Variants in AUTS2 observed in about 807,000 individuals in gnomAD.
The protein encoded by AUTS2 is activator of transcription and developmental regulator AUTS2.
A neutral mutation model predicts 112.4 loss-of-function variants in AUTS2; 17 were observed. That is an observed-to-expected ratio of 0.15 (90% CI 0.10 to 0.23). The LOEUF is 0.23. Ranked by LOEUF, AUTS2 falls within the 10% of genes least tolerant of loss-of-function variation. The pLI is 1.00. For synonymous variants in AUTS2, 751 were observed against 702.7 expected (o/e 1.07, Z -1.09); for missense variants, 1,510 against 1,701.6 (o/e 0.89, Z 1.98).
chr7:69,654,482 A>G (rs1795431252), intron 1 of AUTS2, among the ~76,000 whole-genome samples: 1 of 152,204 alleles, frequency 6.6e-6, no homozygotes, highest in African/African-American at 2.4e-5. Context: ...ATCTCTTAAA[A>G]TATTCAGGCC....
At chr7:70,184,212 G>A (rs559691023) in intron 4 of AUTS2, among the ~76,000 whole-genome samples, 3 of 152,130 alleles carry the variant, frequency 2.0e-5, no homozygotes, top group Middle Eastern at 3.4e-3. Flanking sequence ...TATAATTATG[G>A]TGCCTGACCT....
chr7:69,755,699 A>AT, intron 1 of AUTS2, among the ~76,000 whole-genome samples: 1 of 152,204 alleles, frequency 6.6e-6, no homozygotes, highest in Non-Finnish European at 1.5e-5. Context: ...TACTCATTTA[A>AT]TTTTTATTTT....
chr7:70,715,376 C>G (rs1316862599), intron 6 of AUTS2, among the ~76,000 whole-genome samples: 5 of 152,144 alleles, frequency 3.3e-5, no homozygotes, highest in Admixed American at 2.0e-4. Context: ...GTCATACACA[C>G]TTAAGTGTGT....
chr7:69,725,678 G>T (rs1421854226), intron 1 of AUTS2, among the ~76,000 whole-genome samples: 1 of 152,162 alleles, frequency 6.6e-6, no homozygotes, highest in Non-Finnish European at 1.5e-5. Context: ...GGGTCAGAGT[G>T]TAGGCTCTTA....
intron 2 of AUTS2, among the ~76,000 whole-genome samples, chr7:70,070,887 A>AAG: frequency 6.6e-6 from 1 of 151,998 alleles, no homozygotes; most frequent in African/African-American, 2.4e-5. Context: ...GAAAAAAAAA[A>AAG]AAAAAAGAAA....
intron 5 of AUTS2, among the ~76,000 whole-genome samples, chr7:70,472,087 A>C (rs1045805393): frequency 5.9e-5 from 9 of 152,176 alleles, no homozygotes; most frequent in Admixed American, 5.9e-4. Context: ...AGTACTGGCC[A>C]TTCAGAATGG....
chr7:69,917,343 A>C (rs1584438229), intron 2 of AUTS2, among the ~76,000 whole-genome samples: 1 of 138,956 alleles, frequency 7.2e-6, no homozygotes, highest in Admixed American at 7.3e-5. Context: ...CATCAGACTT[A>C]ATCTATTTTC....
intron 1 of AUTS2, among the ~76,000 whole-genome samples, chr7:69,723,934 G>A (rs1343773865): frequency 6.6e-6 from 1 of 152,156 alleles, no homozygotes; most frequent in Admixed American, 6.6e-5. Flanking sequence ...GGAATCACCT[G>A]GAGAGAGGAC....
At position 70,358,036 on chromosome 7, in the gene AUTS2, G is replaced by A. The variant is rs1225659329; in HGVS notation, c.661-77716G>A. ...GTGGTCACAGTCTACAGTCCACTCC[G>A]GATGACGTGGGGCTATGGATGAGCA... On this transcript the variant is annotated intron_variant, in intron 4 of 18. Coordinates refer to ENST00000342771, the MANE Select transcript of AUTS2 (RefSeq NM_015570.4). Among the ~76,000 whole-genome samples, 3 of 152,296 alleles carry A rather than the reference G, an allele frequency of 2.0e-5. No individual in the cohort carries two copies. In the South Asian group the frequency reaches 6.2e-4, roughly 32 times the overall value.
At chr7:70,229,428 G>A (rs1047009404) in intron 4 of AUTS2, among the ~76,000 whole-genome samples, 7 of 152,052 alleles carry the variant, frequency 4.6e-5, no homozygotes, top group African/African-American at 1.7e-4. Flanking sequence ...ATTGGAAGTT[G>A]GCTGTTCATC....
At chr7:70,719,317 C>T (rs1810542299) in intron 6 of AUTS2, among the ~76,000 whole-genome samples, 1 of 152,146 alleles carries the variant, frequency 6.6e-6, no homozygotes, top group African/African-American at 2.4e-5. Flanking sequence ...AAGAGTATCG[C>T]CTTCCAAAGT....
chr7:70,663,383 C>T (rs756246356), intron 5 of AUTS2, among the ~76,000 whole-genome samples: 2 of 152,068 alleles, frequency 1.3e-5, no homozygotes, highest in East Asian at 1.9e-4. Context: ...TGGGCAACAG[C>T]GGGACTCTGT....
chr7:70,565,933 C>T (rs868483396), intron 5 of AUTS2, among the ~76,000 whole-genome samples: 2 of 152,226 alleles, frequency 1.3e-5, no homozygotes, highest in Non-Finnish European at 1.5e-5. Flanking sequence ...GAGCACATTC[C>T]AAGGGATGTG....
At chr7:70,124,595 G>A (rs897290092) in intron 3 of AUTS2, among the ~76,000 whole-genome samples, 2 of 150,286 alleles carry the variant, frequency 1.3e-5, no homozygotes, top group Non-Finnish European at 3.0e-5. Context: ...ATGGTGTCTC[G>A]CTCCGTCACC....
At chr7:69,699,188 C>G (rs1037118752) in intron 1 of AUTS2, among the ~76,000 whole-genome samples, 3 of 151,990 alleles carry the variant, frequency 2.0e-5, no homozygotes, top group Admixed American at 2.0e-4. Context: ...TTGCTGGTAT[C>G]TTATTATTGT....
At chr7:69,930,305 T>G (rs1002702872) in intron 2 of AUTS2, among the ~76,000 whole-genome samples, 3 of 152,018 alleles carry the variant, frequency 2.0e-5, no homozygotes, top group African/African-American at 4.8e-5. Context: ...TCCAGGGCTC[T>G]CTCTCTGTGT....
At chr7:69,985,922 A>G (rs1798494737) in intron 2 of AUTS2, among the ~76,000 whole-genome samples, 1 of 152,068 alleles carries the variant, frequency 6.6e-6, no homozygotes, top group African/African-American at 2.4e-5. Flanking sequence ...TGCTTAGCTA[A>G]TTCTTAAAAA....
intron 2 of AUTS2, among the ~76,000 whole-genome samples, chr7:70,098,607 T>G (rs1584718810): frequency 6.6e-6 from 1 of 152,080 alleles, no homozygotes; most frequent in Non-Finnish European, 1.5e-5. Context: ...AAGGGATGAT[T>G]TTTTACTTTT....
rs187680401 is a variant in AUTS2 at position 69,955,009 on chromosome 7, C to A, written c.522+55511C>A. Among the ~76,000 whole-genome samples the A allele has an allele frequency of 2.6e-5, 4 of 152,296 alleles. No homozygotes were observed. In the East Asian group the frequency reaches 7.7e-4, roughly 29 times the overall value. On this transcript the variant is annotated intron_variant, in intron 2 of 18. Coordinates refer to ENST00000342771, the MANE Select transcript of AUTS2 (RefSeq NM_015570.4). ...ATCAACTTGCATTTGTTCTGTAACA[C>A]CATGTGAATTTTCCTGAATTTCCAA... is the stretch of plus-strand genomic sequence containing the variant.
Sources: allele counts gnomAD v4.1 joint callset (sites outside exome capture counted in the v4.1 genomes callset), GRCh38; gene constraint gnomAD v4.1.1; transcripts MANE v1.5; gene names NCBI Gene and HGNC (gene_info 2026-07-23, HGNC 2026-07-21).